The following RAPGEF1 variants were observed in gnomAD, a reference collection of about 807,000 sequenced individuals.
The protein encoded by RAPGEF1 is Rap guanine nucleotide exchange factor 1.
In RAPGEF1, 33 loss-of-function variants were observed where a neutral mutation model predicts 143.3. The ratio of observed to expected loss-of-function variants is 0.23; its 90% CI spans 0.17 to 0.31. The LOEUF (loss-of-function observed/expected upper bound fraction) is 0.31. Ranked by LOEUF, RAPGEF1 falls within the 10% of genes least tolerant of loss-of-function variation. The pLI is 1.00. For synonymous variants in RAPGEF1, 629 were observed against 676.5 expected (o/e 0.93, Z 1.09); for missense variants, 1,199 against 1,645.4 (o/e 0.73, Z 4.69).
intron 6 of RAPGEF1, 98 bp downstream of exon 6, chr9:131,630,138 A>T (rs1211719485): frequency 1.1e-5 from 12 of 1,076,674 alleles, no homozygotes. Flanking sequence ...CCAGCAGCCC[A>T]CCCTCATGCT....
Position 131,628,414 on chromosome 9 carries a change from A to G in RAPGEF1, c.1017+135T>C. ...GTGTCCTGGAGAGAGAGGGATGGGTACAAGGTCTCGCACTCCTCGATGTGA... is the reference window on the plus strand; with the variant it reads ...GTGTCCTGGAGAGAGAGGGATGGGTGCAAGGTCTCGCACTCCTCGATGTGA... On this transcript the variant is annotated intron_variant, in intron 8 of 26. Transcript: ENST00000683357. The surrounding 1 kb of genome is among the most constrained non-coding windows in gnomAD (Gnocchi z 5.7). The G allele has an allele frequency of 8.1e-7, 1 of 1,227,140 alleles. No homozygotes were observed. 76.0% of individuals were successfully genotyped at this position (1,227,140 alleles called of 1,614,324 possible). A position where few individuals can be genotyped will look rare whatever the true frequency, so the allele number is the denominator to read the frequency against.
At chr9:131,691,132 A>G (rs897067242) in intron 1 of RAPGEF1, among the ~76,000 whole-genome samples, 1 of 152,236 alleles carries the variant, frequency 6.6e-6, no homozygotes, top group African/African-American at 2.4e-5. Context: ...CAACTATGTA[A>G]CTTACTGTAT....
At chr9:131,582,238 G>A (rs1951971292) in intron 25 of RAPGEF1, among the ~76,000 whole-genome samples, 1 of 152,122 alleles carries the variant, frequency 6.6e-6, no homozygotes, top group Admixed American at 6.5e-5. Context: ...GGAATACTGT[G>A]TGATGCCATG....
chr9:131,739,327 T>G (rs960118462), intron 1 of RAPGEF1, among the ~76,000 whole-genome samples: 5 of 152,202 alleles, frequency 3.3e-5, no homozygotes, highest in Admixed American at 1.3e-4. Flanking sequence ...AGTGGACGCT[T>G]CTCGTTAAAC....
At chr9:131,716,304 T>C (rs1159964055) in intron 1 of RAPGEF1, among the ~76,000 whole-genome samples, 1 of 152,250 alleles carries the variant, frequency 6.6e-6, no homozygotes, top group Non-Finnish European at 1.5e-5. Flanking sequence ...GCTGGTTCAC[T>C]GAAGGGCAAT....
intron 1 of RAPGEF1, among the ~76,000 whole-genome samples, chr9:131,679,007 T>G (rs1352120379): frequency 6.6e-6 from 1 of 151,782 alleles, no homozygotes; most frequent in Non-Finnish European, 1.5e-5. Flanking sequence ...CAGGACAGAT[T>G]AAAAATGCAG....
chr9:131,596,162 GA>G, intron 17 of RAPGEF1, 135 bp downstream of exon 17: 1 of 753,116 alleles, frequency 1.3e-6, no homozygotes, highest in African/African-American at 1.7e-5. Context: ...TCCCTGCTCT[GA>G]CTCAGGCGCA....
intron 1 of RAPGEF1, among the ~76,000 whole-genome samples, chr9:131,708,007 C>T (rs1835206257): frequency 1.3e-5 from 2 of 152,142 alleles, no homozygotes; most frequent in Admixed American, 1.3e-4. Context: ...AAACTTGGAT[C>T]CAATCAAGGA....
At chr9:131,707,298 T>C (rs775480402) in intron 1 of RAPGEF1, among the ~76,000 whole-genome samples, 4 of 152,234 alleles carry the variant, frequency 2.6e-5, no homozygotes, top group Non-Finnish European at 5.9e-5. Context: ...TTTATTTTAA[T>C]GTGTAAAAAT....
rs142230377 is a variant in RAPGEF1 at position 131,658,696 on chromosome 9, C to T, written c.62-7747G>A. On this transcript the variant is annotated intron_variant, in intron 1 of 26. Transcript: ENST00000683357. The stretch of plus-strand genomic sequence containing the variant: ...GGGCCGGAGGAGAGGATGTAGCCTG[C>T]TCACAGAATCATGTCTCAACAGAAA... Among the ~76,000 whole-genome samples, 195 of 152,266 alleles carry T rather than the reference C, an allele frequency of 1.3e-3. 1 individual carries two copies. The highest frequency in any genetic ancestry group is 3.9e-3 in the African/African-American group (164 of 41,562).
chr9:131,588,326 C>T (rs1038931785), intron 20 of RAPGEF1, among the ~76,000 whole-genome samples: 4 of 152,202 alleles, frequency 2.6e-5, no homozygotes, highest in Non-Finnish European at 5.9e-5. Flanking sequence ...CAAGAAGGCT[C>T]GCTCACGGCT....
Position 131,638,629 on chromosome 9 carries a change from C to A in RAPGEF1, c.651+6G>T, listed in dbSNP as rs375357567. The A allele has an allele frequency of 6.2e-7, 1 of 1,613,862 alleles. No individual in the cohort carries two copies. ...GACTGGGACTGTCTGGAACCTGCAC[C>A]GGTACCTTCACTCCATCCAGCACAG... On this transcript the variant is annotated splice_donor_region_variant and intron_variant, in intron 5 of 26. Coordinates refer to ENST00000683357, the MANE Select transcript of RAPGEF1 (RefSeq NM_001377935.1).
At chr9:131,679,575 C>A (rs1313846314) in intron 1 of RAPGEF1, among the ~76,000 whole-genome samples, 2 of 152,190 alleles carry the variant, frequency 1.3e-5, no homozygotes, top group Non-Finnish European at 2.9e-5. Flanking sequence ...TAATGAAGTA[C>A]ACAAACTTAG....
At chr9:131,616,581 G>C (rs1278899640) in intron 12 of RAPGEF1, among the ~76,000 whole-genome samples, 1 of 152,144 alleles carries the variant, frequency 6.6e-6, no homozygotes, top group East Asian at 1.9e-4. Flanking sequence ...AAATTCCCTT[G>C]GCAAGAGGTT....
chr9:131,712,553 C>G (rs760284451), intron 1 of RAPGEF1, among the ~76,000 whole-genome samples: 1 of 152,204 alleles, frequency 6.6e-6, no homozygotes, highest in Non-Finnish European at 1.5e-5. Context: ...TGCGAAGCCC[C>G]TGAAGTCAGG....
At chr9:131,736,341 C>A (rs751700914) in intron 1 of RAPGEF1, among the ~76,000 whole-genome samples, 1 of 152,166 alleles carries the variant, frequency 6.6e-6, no homozygotes, top group South Asian at 2.1e-4. Context: ...CCAAATTCAA[C>A]CTTTCTCCAC....
chr9:131,666,348 T>C (rs761361248), intron 1 of RAPGEF1, among the ~76,000 whole-genome samples: 3 of 152,258 alleles, frequency 2.0e-5, no homozygotes, highest in East Asian at 3.9e-4. Flanking sequence ...TACTATCCAA[T>C]AGAAACATAG....
At chr9:131,661,807 G>A (rs1362184881) in intron 1 of RAPGEF1, among the ~76,000 whole-genome samples, 2 of 152,166 alleles carry the variant, frequency 1.3e-5, no homozygotes, top group Admixed American at 6.5e-5. Context: ...CTCAGGAAGA[G>A]CCTGTGAATA....
intron 1 of RAPGEF1, among the ~76,000 whole-genome samples, chr9:131,709,323 G>T (rs1835338135): frequency 6.6e-6 from 1 of 152,178 alleles, no homozygotes; most frequent in South Asian, 2.1e-4. Context: ...TCCAGCCTGG[G>T]CGACAGAACG....
Sources: allele counts gnomAD v4.1 joint callset (sites outside exome capture counted in the v4.1 genomes callset), GRCh38; gene constraint gnomAD v4.1.1; non-coding constraint Gnocchi (gnomAD v3.1); transcripts MANE v1.5; gene names NCBI Gene and HGNC (gene_info 2026-07-23, HGNC 2026-07-21).